The following BCL11A variants were observed in gnomAD, a reference collection of about 807,000 sequenced individuals.
The protein encoded by BCL11A is BCL11 transcription factor A, also known as B cell CLL/lymphoma 11A.
Under a neutral mutation model 55.9 loss-of-function variants are expected in BCL11A, and 2 were observed. That is an observed-to-expected ratio of 0.04 (90% CI 0.01 to 0.11). The LOEUF is 0.11. BCL11A is among the 10% of genes least tolerant of loss of function. BCL11A has a pLI of 1.00. For missense variants in BCL11A, 817 were observed against 1,137.1 expected, an observed-to-expected ratio of 0.72 and a Z score of 4.05; for synonymous variants, 465 against 473.4, an observed-to-expected ratio of 0.98 and a Z score of 0.23.
chr2:60,475,913 T>C (rs184138403), intron 2 of BCL11A, among the ~76,000 whole-genome samples: 2 of 152,336 alleles, frequency 1.3e-5, no homozygotes, highest in Admixed American at 6.5e-5. Flanking sequence ...GGAACCTAAG[T>C]TCTGCAACCC....
rs969440114 is a variant in BCL11A, at chr2:60,458,584, A to C, written c.*1820T>G. On this transcript the variant is annotated 3_prime_UTR_variant, in exon 4 of 4. Coordinates refer to ENST00000642384, the MANE Select transcript of BCL11A (RefSeq NM_022893.4). ...TCCAAGTAAGTAAGCTCAATAGTCA[A>C]GTAAATGGCTGGCAAAGTTTTTTTT... The C allele has an allele frequency of 9.6e-7, 1 of 1,037,284 alleles. No homozygotes were observed. The highest frequency in any genetic ancestry group is 1.7e-5 in the African/African-American group (1 of 59,440). The allele number at this position is 1,037,284 out of a possible 1,614,324, so 64.3% of individuals were successfully genotyped here.
chr2:60,509,578 A>T (rs1340883613), intron 2 of BCL11A, among the ~76,000 whole-genome samples: 1 of 152,238 alleles, frequency 6.6e-6, no homozygotes, highest in Non-Finnish European at 1.5e-5. Context: ...AAACGAAGGG[A>T]AAGAAATGCA....
chr2:60,452,358 A>T, downstream of BCL11A: 1 of 496,666 alleles, frequency 2.0e-6, no homozygotes, highest in South Asian at 2.4e-5. Context: ...CACTGTTCCA[A>T]TGTGGGTCTG....
intron 1 of BCL11A, among the ~76,000 whole-genome samples, chr2:60,549,167 C>T (rs1231946445): frequency 6.6e-6 from 1 of 152,178 alleles, no homozygotes; most frequent in Non-Finnish European, 1.5e-5. Context: ...AATGCTTCTA[C>T]GTTCAAACAG....
At chr2:60,526,711 G>T (rs1669218544) in intron 2 of BCL11A, 1 of 152,162 alleles carries the variant, frequency 6.6e-6, no homozygotes, top group Non-Finnish European at 1.5e-5. Flanking sequence ...TAAAGAAGAA[G>T]ATGCAATGAA....
chr2:60,530,960 C>T (rs1669427827), intron 2 of BCL11A, among the ~76,000 whole-genome samples: 1 of 152,172 alleles, frequency 6.6e-6, no homozygotes, highest in Non-Finnish European at 1.5e-5. Flanking sequence ...CACCCTGGGA[C>T]CCCTGACAAA....
At chr2:60,541,334 T>A (rs752699181) in intron 2 of BCL11A, among the ~76,000 whole-genome samples, 24 of 151,798 alleles carry the variant, frequency 1.6e-4, no homozygotes, top group Non-Finnish European at 2.8e-4. Context: ...TTAGATATAT[T>A]TTTTTTTTCC....
chr2:60,451,292 C>T lies in BCL11A; in HGVS notation c.*1283G>A, dbSNP rs1250425558. ...AGGTAGGATTTTCCCCACTTAGGTTCACGGCCTGTATGTGAATCTACAGCA... is the reference window on the plus strand; with the variant it reads ...AGGTAGGATTTTCCCCACTTAGGTTTACGGCCTGTATGTGAATCTACAGCA... On this transcript the variant is annotated 3_prime_UTR_variant, in exon 5 of 5. Transcript: ENST00000356842. 2.6e-5 allele frequency: 6 copies of T among 227,070 alleles called. No homozygotes were observed. The East Asian group carries it at 3.2e-4, about 12-fold the overall frequency. 14.1% of individuals were successfully genotyped at this position (227,070 alleles called of 1,614,324 possible).
chr2:60,458,814 T>G lies in BCL11A; in HGVS notation c.*1590A>C. 9.7e-7 allele frequency: 1 copy of G among 1,030,990 alleles called. No homozygotes were observed. Among genetic ancestry groups the G allele is most frequent in the South Asian group, 4.6e-5 (1 of 21,642 alleles). 63.9% of individuals were successfully genotyped at this position (1,030,990 alleles called of 1,614,324 possible). A position where few individuals can be genotyped will look rare whatever the true frequency, so the allele number is the denominator to read the frequency against. On this transcript the variant is annotated 3_prime_UTR_variant, in exon 4 of 4. Transcript: ENST00000642384. ...TACAGATATCACAGGCAGAGTCAAG[T>G]GCTATTTGAACACCAACTGGGGCAG...
chr2:60,511,012 C>G (rs1432076056), intron 2 of BCL11A, among the ~76,000 whole-genome samples: 1 of 152,252 alleles, frequency 6.6e-6, no homozygotes, highest in Non-Finnish European at 1.5e-5. Flanking sequence ...GAAGAGCCAA[C>G]CACCAGCAGT....
chr2:60,451,355 TA>T (rs1675715912), exon 5 of BCL11A: 1 of 228,120 alleles, frequency 4.4e-6, no homozygotes, highest in African/African-American at 2.2e-5. Flanking sequence ...AAACCTATTT[TA>T]ATTTGCTATG....
chr2:60,481,432 G>T (rs563268012), intron 2 of BCL11A, among the ~76,000 whole-genome samples: 9 of 152,126 alleles, frequency 5.9e-5, no homozygotes, highest in African/African-American at 2.2e-4. Flanking sequence ...CGGCTTTAAC[G>T]CACTACACCC....
At chr2:60,513,981 T>C (rs1338638037) in intron 2 of BCL11A, among the ~76,000 whole-genome samples, 2 of 152,232 alleles carry the variant, frequency 1.3e-5, no homozygotes, top group Non-Finnish European at 2.9e-5. Flanking sequence ...ATTCTCTAGG[T>C]TCACAGTCCT....
intron 2 of BCL11A, chr2:60,532,969 A>T (rs1195072666): frequency 6.6e-6 from 1 of 152,190 alleles, no homozygotes; most frequent in Non-Finnish European, 1.5e-5. Context: ...TGTGTACTTG[A>T]CATTTATACA....
intron 3 of BCL11A, among the ~76,000 whole-genome samples, chr2:60,463,392 T>C (rs1188362458): frequency 6.6e-6 from 1 of 152,204 alleles, no homozygotes; most frequent in Non-Finnish European, 1.5e-5. Context: ...TCCTCCTCAT[T>C]GTTTTGAGAG....
chr2:60,480,938 C>T (rs1457390582), intron 2 of BCL11A, among the ~76,000 whole-genome samples: 4 of 152,124 alleles, frequency 2.6e-5, no homozygotes, highest in African/African-American at 9.7e-5. Context: ...ACTCATAGTT[C>T]TAAATAGTTT....
rs141136901 is a variant in BCL11A, at chr2:60,459,795, C to T, written c.*609G>A. 5.8e-6 allele frequency: 6 copies of T among 1,042,496 alleles called. No individual in the cohort carries two copies. Among genetic ancestry groups the T allele is most frequent in the African/African-American group, 1.7e-5 (1 of 59,758 alleles). The allele number at this position is 1,042,496 out of a possible 1,614,324, so 64.6% of individuals were successfully genotyped here. A position where few individuals can be genotyped will look rare whatever the true frequency, so the allele number is the denominator to read the frequency against. On this transcript the variant is annotated 3_prime_UTR_variant, in exon 4 of 4. Transcript: ENST00000642384. ...ATACATTTAACCCTTTAGAGACAGA[C>T]ATTTAGCTCATAGAGATTTTTTTTC...
chr2:60,542,161 AAG>A, intron 2 of BCL11A: 3 of 343,614 alleles, frequency 8.7e-6, no homozygotes. Context: ...CATGATTTTA[AAG>A]AGAAAAAATG....
Position 60,458,558 on chromosome 2 carries a change from G to A in BCL11A, c.*1846C>T, listed in dbSNP as rs372884054. The A allele has an allele frequency of 2.0e-5, 21 of 1,036,724 alleles. No individual in the cohort carries two copies. In the East Asian group the frequency reaches 2.4e-4, roughly 12 times the overall value. 64.2% of individuals were successfully genotyped at this position (1,036,724 alleles called of 1,614,324 possible). On this transcript the variant is annotated 3_prime_UTR_variant, in exon 4 of 4. Coordinates refer to ENST00000642384, the MANE Select transcript of BCL11A (RefSeq NM_022893.4). ...CCATTCACAGCGCTTGCAATGTTGC[G>A]TCCAAGTAAGTAAGCTCAATAGTCA...
Sources: gnomAD v4.1 joint callset for allele counts (sites outside exome capture counted in the v4.1 genomes callset) on GRCh38, gnomAD v4.1.1 for gene constraint, MANE v1.5 for transcripts, NCBI Gene and HGNC (gene_info 2026-07-23, HGNC 2026-07-21) for gene names.